The following SLC9A9 variants were observed in gnomAD, a reference collection of about 807,000 sequenced individuals.
SLC9A9 encodes the protein sodium/hydrogen exchanger 9.
In SLC9A9, 62 loss-of-function variants were observed where a neutral mutation model predicts 77.8. That is an observed-to-expected ratio of 0.80 (90% CI 0.65 to 0.98). The LOEUF is 0.98. Ranked by LOEUF, SLC9A9 falls within the 50% of genes least tolerant of loss-of-function variation. The pLI, the probability that SLC9A9 is intolerant of heterozygous loss-of-function variation, is 0.00. For synonymous variants in SLC9A9, 320 were observed against 283.5 expected, an observed-to-expected ratio of 1.13 and a Z score of -1.29; for missense variants, 775 against 774.9, an observed-to-expected ratio of 1.00 and a Z score of 0.00.
chr3:143,432,155 C>A (rs2108536927), intron 12 of SLC9A9, among the ~76,000 whole-genome samples: 1 of 152,286 alleles, frequency 6.6e-6, no homozygotes, highest in Admixed American at 6.5e-5. Flanking sequence ...AAAATGAAAA[C>A]ACCCTGAGCA....
intron 14 of SLC9A9, among the ~76,000 whole-genome samples, chr3:143,291,875 G>GA (rs2108418203): frequency 6.6e-6 from 1 of 152,316 alleles, no homozygotes; most frequent in Non-Finnish European, 1.5e-5. Flanking sequence ...GCAAAGTCAG[G>GA]AAATGCCACA....
intron 14 of SLC9A9, among the ~76,000 whole-genome samples, chr3:143,307,203 G>C (rs563110243): frequency 6.6e-6 from 1 of 152,270 alleles, no homozygotes; most frequent in Non-Finnish European, 1.5e-5. Flanking sequence ...TATTAGCTAT[G>C]GGGGCAATGT....
intron 4 of SLC9A9, among the ~76,000 whole-genome samples, chr3:143,766,027 A>C (rs373715867): frequency 3.9e-5 from 6 of 152,342 alleles, no homozygotes; most frequent in African/African-American, 1.4e-4. Flanking sequence ...CACATGAATG[A>C]GACCAACTGA....
intron 8 of SLC9A9, among the ~76,000 whole-genome samples, chr3:143,561,454 T>A (rs115254992): frequency 0.019 from 2,942 of 151,436 alleles, 92 homozygotes; most frequent in African/African-American, 0.068. Flanking sequence ...CCAAGAAAAA[T>A]GAAAAAGTAG....
chr3:143,566,407 A>G (rs1329720153), intron 8 of SLC9A9, among the ~76,000 whole-genome samples: 1 of 152,124 alleles, frequency 6.6e-6, no homozygotes, highest in Admixed American at 6.6e-5. Flanking sequence ...TTTCTTTCAG[A>G]CATCTTGGTC....
At chr3:143,420,021 G>A (rs1188169245) in intron 12 of SLC9A9, among the ~76,000 whole-genome samples, 1 of 152,166 alleles carries the variant, frequency 6.6e-6, no homozygotes, top group Non-Finnish European at 1.5e-5. Context: ...TTGTCTCTTT[G>A]TCTAAATGGG....
At chr3:143,296,812 T>G (rs1055037682) in intron 14 of SLC9A9, among the ~76,000 whole-genome samples, 3 of 152,242 alleles carry the variant, frequency 2.0e-5, no homozygotes, top group African/African-American at 7.2e-5. Context: ...TTTATATACC[T>G]GTTGGTCATC....
In SLC9A9 at chr3:143,544,286, G is replaced by A. The variant is rs1000675680; in HGVS notation, c.1089+8076C>T. On this transcript the variant is annotated intron_variant, in intron 9 of 15. Coordinates refer to ENST00000316549, the MANE Select transcript of SLC9A9 (RefSeq NM_173653.4). ...CTGTCGCCCAGGCTGGAGTGCAGTG[G>A]TGCGATCTCGGTTCACTGCAAGCTC... 3.9e-5 allele frequency among the ~76,000 whole-genome samples: 6 copies of A among 152,238 alleles called. 1 individual carries two copies. The South Asian group carries it at 1.2e-3, about 32-fold the overall frequency.
intron 4 of SLC9A9, among the ~76,000 whole-genome samples, chr3:143,718,971 A>G (rs1040160893): frequency 2.0e-4 from 30 of 152,200 alleles, no homozygotes; most frequent in Non-Finnish European, 2.8e-4. Flanking sequence ...CAATGAAAAC[A>G]ATACCAACCT....
At chr3:143,371,163 A>G (rs2108490196) in intron 13 of SLC9A9, among the ~76,000 whole-genome samples, 1 of 152,292 alleles carries the variant, frequency 6.6e-6, no homozygotes, top group Non-Finnish European at 1.5e-5. Flanking sequence ...AAAGGCTTAC[A>G]GGGAGAAACT....
intron 12 of SLC9A9, among the ~76,000 whole-genome samples, chr3:143,438,039 T>C (rs2034656467): frequency 6.6e-6 from 1 of 152,156 alleles, no homozygotes; most frequent in Non-Finnish European, 1.5e-5. Flanking sequence ...CTAGGGAAAA[T>C]ATGACACAAG....
chr3:143,475,074 T>C (rs1325097140), intron 11 of SLC9A9, among the ~76,000 whole-genome samples: 1 of 151,144 alleles, frequency 6.6e-6, no homozygotes, highest in Non-Finnish European at 1.5e-5. Flanking sequence ...TTCCCTTGCC[T>C]CAGCCTCCTG....
chr3:143,747,565 G>C (rs2108821599), intron 4 of SLC9A9, among the ~76,000 whole-genome samples: 1 of 152,292 alleles, frequency 6.6e-6, no homozygotes, highest in South Asian at 2.1e-4. Flanking sequence ...CCCACAGAGT[G>C]GGGGATATGA....
chr3:143,435,930 T>G (rs1041175579), intron 12 of SLC9A9, among the ~76,000 whole-genome samples: 1 of 152,216 alleles, frequency 6.6e-6, no homozygotes, highest in Non-Finnish European at 1.5e-5. Context: ...AGGGGCTGCC[T>G]GGGCCAGTGA....
At chr3:143,496,475 C>A (rs2035834549) in intron 9 of SLC9A9, among the ~76,000 whole-genome samples, 1 of 152,142 alleles carries the variant, frequency 6.6e-6, no homozygotes, top group South Asian at 2.1e-4. Flanking sequence ...CAAATAATGC[C>A]CAATACTGTT....
At chr3:143,319,736 T>G (rs555965144) in intron 14 of SLC9A9, among the ~76,000 whole-genome samples, 1 of 152,280 alleles carries the variant, frequency 6.6e-6, no homozygotes, top group South Asian at 2.1e-4. Context: ...GGGGAGAAAC[T>G]AAGTGGGGAA....
intron 5 of SLC9A9, among the ~76,000 whole-genome samples, chr3:143,664,541 G>A (rs2039032123): frequency 6.6e-6 from 1 of 152,170 alleles, no homozygotes; most frequent in Non-Finnish European, 1.5e-5. Flanking sequence ...TGGCAAATTG[G>A]ATAAAGAGTC....
At chr3:143,749,134 C>T (rs958927717) in intron 4 of SLC9A9, among the ~76,000 whole-genome samples, 2 of 152,006 alleles carry the variant, frequency 1.3e-5, no homozygotes, top group Non-Finnish European at 2.9e-5. Flanking sequence ...ACATTATAAA[C>T]ACATGGTTTA....
chr3:143,735,061 G>A (rs1053453449), intron 4 of SLC9A9, among the ~76,000 whole-genome samples: 1 of 152,190 alleles, frequency 6.6e-6, no homozygotes, highest in African/African-American at 2.4e-5. Flanking sequence ...AACACTTGCC[G>A]ACTCCTCTGG....
Sources: gnomAD v4.1 joint callset for allele counts (sites outside exome capture counted in the v4.1 genomes callset) on GRCh38, gnomAD v4.1.1 for gene constraint, MANE v1.5 for transcripts, NCBI Gene and HGNC (gene_info 2026-07-23, HGNC 2026-07-21) for gene names.